Variants in ARID4A observed in about 807,000 individuals in gnomAD.
The protein encoded by ARID4A is AT-rich interactive domain-containing protein 4A.
A neutral mutation model predicts 148.6 loss-of-function variants in ARID4A; 39 were observed. That is an observed-to-expected ratio of 0.26 (90% confidence interval 0.20 to 0.34). The LOEUF is 0.34. Ranked by LOEUF, ARID4A falls within the 10% of genes least tolerant of loss-of-function variation. The pLI is 1.00. For synonymous variants in ARID4A, 475 were observed against 481.2 expected (o/e 0.99, Z 0.17); for missense variants, 1,265 against 1,449.1 (o/e 0.87, Z 2.06).
intron 14 of ARID4A, 85 bp from the exon 15 acceptor site, chr14:58,347,562 A>G: frequency 9.0e-7 from 1 of 1,111,852 alleles, no homozygotes; most frequent in East Asian, 2.6e-5. Flanking sequence ...ACTGGGCTTT[A>G]CTTTTTAAAA....
chr14:58,322,980 A>AAAAAAAAATAT (rs1255021613), intron 7 of ARID4A, among the ~76,000 whole-genome samples: 5 of 114,280 alleles, frequency 4.4e-5, no homozygotes, highest in African/African-American at 1.1e-4. Flanking sequence ...AAAAAAAAAA[A>AAAAAAAAATAT]ATATATATAT....
chr14:58,317,731 C>T (rs1408382601), intron 5 of ARID4A, among the ~76,000 whole-genome samples: 3 of 142,124 alleles, frequency 2.1e-5, no homozygotes, highest in Non-Finnish European at 4.5e-5. Flanking sequence ...TTTCGCGGCT[C>T]AAGCAATCGT....
chr14:58,329,410 A>G, intron 9 of ARID4A, 118 bp from the exon 10 acceptor site: 1 of 696,282 alleles, frequency 1.4e-6, no homozygotes, highest in Non-Finnish European at 2.4e-6. Flanking sequence ...AGATAAAAAC[A>G]TTTTATAGAC....
At chr14:58,298,907 T>G (rs1282489745) in intron 1 of ARID4A, among the ~76,000 whole-genome samples, 1 of 152,238 alleles carries the variant, frequency 6.6e-6, no homozygotes, top group East Asian at 1.9e-4. Flanking sequence ...TGCAGCCGCC[T>G]CCTCGTCCGC....
intron 11 of ARID4A, among the ~76,000 whole-genome samples, chr14:58,336,891 T>C (rs1320946920): frequency 5.9e-5 from 9 of 151,588 alleles, no homozygotes; most frequent in Non-Finnish European, 4.4e-5. Context: ...TTCTTTTTTC[T>C]TTTCTTTTTT....
intron 22 of ARID4A, 66 bp from the exon 23 acceptor site, chr14:58,366,817 G>A: frequency 1.6e-6 from 2 of 1,258,360 alleles, no homozygotes; most frequent in South Asian, 3.3e-5. Context: ...ACGTTTGATA[G>A]AATTGTCATC....
chr14:58,306,759 A>G (rs747154726), intron 5 of ARID4A, among the ~76,000 whole-genome samples: 4 of 152,156 alleles, frequency 2.6e-5, no homozygotes, highest in Non-Finnish European at 4.4e-5. Context: ...CATGCCTGTA[A>G]TCCCAGCTAC....
intron 17 of ARID4A, among the ~76,000 whole-genome samples, chr14:58,355,352 C>T (rs1411503775): frequency 6.6e-6 from 1 of 152,172 alleles, no homozygotes; most frequent in African/African-American, 2.4e-5. Context: ...CAGTGGATGC[C>T]TGAAACCTCA....
chr14:58,324,985 A>G (rs2140179927), intron 8 of ARID4A, among the ~76,000 whole-genome samples: 1 of 152,326 alleles, frequency 6.6e-6, no homozygotes, highest in South Asian at 2.1e-4. Flanking sequence ...TTGGTACTGA[A>G]TGGAGTAAGA....
intron 17 of ARID4A, among the ~76,000 whole-genome samples, chr14:58,356,619 GTTCAAC>G (rs979202385): frequency 4.6e-5 from 7 of 151,766 alleles, no homozygotes; most frequent in African/African-American, 1.7e-4. Flanking sequence ...ACTTATAGTG[GTTCAAC>G]TTCAATTTTT....
At chr14:58,320,104 C>T (rs888875182) in intron 7 of ARID4A, among the ~76,000 whole-genome samples, 5 of 151,738 alleles carry the variant, frequency 3.3e-5, no homozygotes, top group Admixed American at 6.6e-5. Flanking sequence ...CGTGCCACCA[C>T]GCCCAGCTAA....
chr14:58,354,818 T>C (rs747340675), intron 17 of ARID4A, among the ~76,000 whole-genome samples: 6 of 152,166 alleles, frequency 3.9e-5, no homozygotes, highest in Non-Finnish European at 5.9e-5. Context: ...GGTAACATTA[T>C]AATTGGTAGA....
chr14:58,361,017 G>C lies in ARID4A; in HGVS notation c.2055G>C (p.Lys685Asn), dbSNP rs754709661. Residue 685 changes from lysine to asparagine, a missense_variant, in exon 19 of 24, where the codon AAG (lysine) becomes AAC (asparagine). By Grantham distance (94) the Lys-to-Asn change is moderately conservative. Coordinates refer to ENST00000355431, the MANE Select transcript of ARID4A (RefSeq NM_002892.4). The part of the protein sequence containing the change: ...LSSNMPYGLS[K>N]TANSEGKSDS... ...CAAACATGCCGTATGGCTTATCTAAGACAGCAAACAGTGAAGGAAAATCAG... is the reference window on the plus strand; with the variant it reads ...CAAACATGCCGTATGGCTTATCTAACACAGCAAACAGTGAAGGAAAATCAG... The C allele has an allele frequency of 6.2e-7, 1 of 1,613,898 alleles. No homozygotes were observed. The highest frequency in any genetic ancestry group is 8.5e-7 in the Non-Finnish European group (1 of 1,179,950).
intron 23 of ARID4A, among the ~76,000 whole-genome samples, chr14:58,370,588 C>T (rs897638190): frequency 2.6e-5 from 4 of 151,736 alleles, no homozygotes; most frequent in Non-Finnish European, 2.9e-5. Flanking sequence ...TGAGCCACAG[C>T]GCCCAGCCAA....
chr14:58,343,670 A>T lies in ARID4A; in HGVS notation c.907-1025A>T, dbSNP rs542680603. On this transcript the variant is annotated intron_variant, in intron 11 of 23. Transcript: ENST00000355431. ...TGGTGAGACCCCCTTCTCTATTAAA[A>T]ATACAAAAAATTAGCCAGGTGTAGT... Among the ~76,000 whole-genome samples, 9 of 151,610 alleles carry T rather than the reference A, an allele frequency of 5.9e-5. No homozygotes were observed. The East Asian group carries it at 9.7e-4, about 16-fold the overall frequency.
At chr14:58,305,498 A>G (rs1412128199) in intron 4 of ARID4A, among the ~76,000 whole-genome samples, 1 of 152,136 alleles carries the variant, frequency 6.6e-6, no homozygotes, top group Non-Finnish European at 1.5e-5. Context: ...ACTTTGGTTA[A>G]TATCTGATAT....
chr14:58,356,606 C>A (rs967122743), intron 17 of ARID4A, among the ~76,000 whole-genome samples: 1 of 151,856 alleles, frequency 6.6e-6, no homozygotes, highest in Non-Finnish European at 1.5e-5. Context: ...CAGGCAGTTC[C>A]TAACTTATAG....
In ARID4A at chr14:58,318,641, C is replaced by T. The variant is rs773218316; in HGVS notation, c.354+20C>T. The T allele has an allele frequency of 1.1e-5, 18 of 1,613,434 alleles. No homozygotes were observed. The highest frequency in any genetic ancestry group is 8.9e-5 in the East Asian group (4 of 44,876). ...AGTGAGGTAGGGTGACACGGATGGACGATTTGGATTGAACTACAGGTACTG... is the reference window on the plus strand; with the variant it reads ...AGTGAGGTAGGGTGACACGGATGGATGATTTGGATTGAACTACAGGTACTG... On this transcript the variant is annotated intron_variant, in intron 6 of 23. Coordinates refer to ENST00000355431, the MANE Select transcript of ARID4A (RefSeq NM_002892.4).
chr14:58,364,554 A>G lies in ARID4A; in HGVS notation c.2465A>G (p.His822Arg). 1 of 1,611,166 alleles carries G rather than the reference A, an allele frequency of 6.2e-7. No homozygotes were observed. Among genetic ancestry groups the G allele is most frequent in the Non-Finnish European group, 8.5e-7 (1 of 1,179,450 alleles). The change falls in exon 20 of 24, where the codon CAT becomes CGT. Residue 822 changes from histidine to arginine, a missense_variant. Around this residue, in one of 9 missense-constraint regions of ARID4A, gnomAD observed 666 missense variants for 730.9 expected, o/e 0.91. Coordinates refer to ENST00000355431, the MANE Select transcript of ARID4A (RefSeq NM_002892.4). ...CAGAATGAAGCAGGAAGTGAACCTCATATAGAAGCTCATAGTCTTGAATTG... is the reference window on the plus strand; with the variant it reads ...CAGAATGAAGCAGGAAGTGAACCTCGTATAGAAGCTCATAGTCTTGAATTG... ...FGQNEAGSEP[H>R]IEAHSLELSS...
Sources: gnomAD v4.1 joint callset for allele counts (sites outside exome capture counted in the v4.1 genomes callset) on GRCh38, gnomAD v4.1.1 for gene constraint, gnomAD v4.1.1 regional missense constraint, MANE v1.5 for transcripts, NCBI Gene and HGNC (gene_info 2026-07-23, HGNC 2026-07-21) for gene names.